The following KCNH5 variants were observed in gnomAD, a reference collection of about 807,000 sequenced individuals.
KCNH5 encodes potassium voltage-gated channel subfamily H member 5.
Under a neutral mutation model 96.1 loss-of-function variants are expected in KCNH5, and 46 were observed. That is an observed-to-expected ratio of 0.48 (90% CI 0.38 to 0.61). The LOEUF (loss-of-function observed/expected upper bound fraction) is 0.61, where lower values mean the gene tolerates loss of function less well. KCNH5 is among the 20% of genes least tolerant of loss of function. The pLI, the probability that KCNH5 is intolerant of heterozygous loss-of-function variation, is 0.00. For missense variants in KCNH5, 907 were observed against 1,225.8 expected (o/e 0.74, Z 3.88); for synonymous variants, 439 against 449.8 (o/e 0.98, Z 0.30).
intron 10 of KCNH5, among the ~76,000 whole-genome samples, chr14:62,710,987 A>C (rs1468381373): frequency 2.0e-5 from 3 of 152,192 alleles, no homozygotes. Context: ...TAATGTCTAC[A>C]TGTCCTGCCA....
chr14:62,713,084 C>T (rs1884606657), intron 10 of KCNH5, among the ~76,000 whole-genome samples: 2 of 152,118 alleles, frequency 1.3e-5, no homozygotes, highest in African/African-American at 4.8e-5. Context: ...TTGCTAACTG[C>T]TATATCTCTA....
chr14:62,760,165 T>C (rs770932920), intron 10 of KCNH5, among the ~76,000 whole-genome samples: 6 of 152,312 alleles, frequency 3.9e-5, no homozygotes, highest in Middle Eastern at 3.4e-3. Flanking sequence ...TATCACACTC[T>C]ACAATGGCCA....
intron 4 of KCNH5, among the ~76,000 whole-genome samples, chr14:62,992,383 T>G (rs186415093): frequency 6.8e-4 from 103 of 152,196 alleles, no homozygotes; most frequent in African/African-American, 2.3e-3. Context: ...CTATTTTTAG[T>G]TGTTTGAGAA....
At chr14:62,872,277 G>T (rs1223264134) in intron 7 of KCNH5, among the ~76,000 whole-genome samples, 1 of 152,208 alleles carries the variant, frequency 6.6e-6, no homozygotes, top group African/African-American at 2.4e-5. Flanking sequence ...TTTTAAAAAA[G>T]AGAATCTCTA....
At chr14:62,966,898 C>T (rs1338268583) in intron 6 of KCNH5, among the ~76,000 whole-genome samples, 1 of 152,050 alleles carries the variant, frequency 6.6e-6, no homozygotes, top group African/African-American at 2.4e-5. Context: ...ATTCTTAATC[C>T]ATTCTGTCCT....
chr14:63,025,810 A>G (rs529367017), intron 1 of KCNH5, among the ~76,000 whole-genome samples: 1 of 152,078 alleles, frequency 6.6e-6, no homozygotes, highest in African/African-American at 2.4e-5. Flanking sequence ...CACAGATTCA[A>G]TGTAATTCCA....
intron 7 of KCNH5, among the ~76,000 whole-genome samples, chr14:62,905,126 A>G (rs1889002276): frequency 6.6e-6 from 1 of 152,202 alleles, no homozygotes; most frequent in Non-Finnish European, 1.5e-5. Flanking sequence ...GTAGGCTAAG[A>G]AAAGAAAATC....
At chr14:62,918,026 A>G (rs1160645053) in intron 7 of KCNH5, among the ~76,000 whole-genome samples, 1 of 152,194 alleles carries the variant, frequency 6.6e-6, no homozygotes, top group Non-Finnish European at 1.5e-5. Flanking sequence ...AGTCATGACT[A>G]AAACCATGGC....
chr14:62,937,528 A>C (rs1344605313), intron 7 of KCNH5, among the ~76,000 whole-genome samples: 2 of 152,314 alleles, frequency 1.3e-5, no homozygotes, highest in Admixed American at 1.3e-4. Flanking sequence ...AGTGTAAAGG[A>C]ATGCACATCT....
intron 5 of KCNH5, 80 bp downstream of exon 5, chr14:62,986,992 A>C: frequency 1.1e-6 from 1 of 885,310 alleles, no homozygotes; most frequent in Non-Finnish European, 1.9e-6. Context: ...ATAGCCAGAA[A>C]TATCTATATT....
chr14:62,864,524 C>A (rs1449491131), intron 7 of KCNH5, among the ~76,000 whole-genome samples: 1 of 151,918 alleles, frequency 6.6e-6, no homozygotes, highest in Non-Finnish European at 1.5e-5. Context: ...CCAAGTATGC[C>A]CAAAGAAGAA....
intron 7 of KCNH5, among the ~76,000 whole-genome samples, chr14:62,880,510 T>A (rs1227235467): frequency 6.6e-6 from 1 of 152,190 alleles, no homozygotes; most frequent in Non-Finnish European, 1.5e-5. Context: ...TTGAGCACAC[T>A]GGATATTGTG....
intron 6 of KCNH5, among the ~76,000 whole-genome samples, chr14:62,965,637 T>C (rs1236148634): frequency 6.7e-6 from 1 of 150,164 alleles, no homozygotes; most frequent in African/African-American, 2.4e-5. Flanking sequence ...GAGCCATCCC[T>C]GTATATTTCT....
At position 62,862,231 on chromosome 14, in the gene KCNH5, T is replaced by G. The variant is rs113930246; in HGVS notation, c.1370-12379A>C. On this transcript the variant is annotated intron_variant, in intron 7 of 10. Coordinates refer to ENST00000322893, the MANE Select transcript of KCNH5 (RefSeq NM_139318.5). ...TAATACTTAAAATAATACTGAAATT[T>G]TATTAAAATACCAGTAAGATTGATC... Among the ~76,000 whole-genome samples, 810 of 152,300 alleles carry G rather than the reference T, an allele frequency of 5.3e-3. 8 individuals carry two copies. Among genetic ancestry groups the G allele is most frequent in the Middle Eastern group, 0.017 (5 of 294 alleles).
rs544076708 is a variant in KCNH5, at chr14:62,810,392, C to T, written c.1570-7811G>A. 1.8e-4 allele frequency among the ~76,000 whole-genome samples: 28 copies of T among 151,998 alleles called. No homozygotes were observed. In the South Asian group the frequency reaches 4.0e-3, roughly 21 times the overall value. On this transcript the variant is annotated intron_variant, in intron 8 of 10. Transcript: ENST00000322893. ...GGGAGGGGGAAATGTCAGAGGGATG[C>T]GAACTAGAACAAGTCCATCTTGAAT...
At chr14:62,777,862 TGTG>T (rs1886131076) in intron 10 of KCNH5, among the ~76,000 whole-genome samples, 1 of 39,478 alleles carries the variant, frequency 2.5e-5, no homozygotes, top group Admixed American at 2.3e-4. Flanking sequence ...TGTGTATTTG[TGTG>T]TGTGTGTGTG....
chr14:62,761,880 G>C (rs1325947086), intron 10 of KCNH5, among the ~76,000 whole-genome samples: 3 of 152,138 alleles, frequency 2.0e-5, no homozygotes, highest in Admixed American at 2.0e-4. Context: ...AGAATGGATG[G>C]AGGGAGGATG....
At chr14:62,993,179 A>G (rs933212472) in intron 4 of KCNH5, among the ~76,000 whole-genome samples, 1 of 151,824 alleles carries the variant, frequency 6.6e-6, no homozygotes, top group Non-Finnish European at 1.5e-5. Flanking sequence ...CAATGTGTCT[A>G]TTTCTTATAC....
At chr14:62,934,785 A>G (rs762555744) in intron 7 of KCNH5, among the ~76,000 whole-genome samples, 3 of 152,178 alleles carry the variant, frequency 2.0e-5, no homozygotes, top group Non-Finnish European at 4.4e-5. Context: ...GGCCCTCGAG[A>G]TAGCAAATGG....
Sources: allele counts gnomAD v4.1 joint callset (sites outside exome capture counted in the v4.1 genomes callset), GRCh38; gene constraint gnomAD v4.1.1; transcripts MANE v1.5; gene names NCBI Gene and HGNC (gene_info 2026-07-23, HGNC 2026-07-21).